CD86: variants seen among roughly 807,000 people sequenced by gnomAD.
CD86 encodes the protein CD86 molecule, also known as T-lymphocyte activation antigen CD86.
A neutral mutation model predicts 32.1 loss-of-function variants in CD86; 11 were observed. The observed-to-expected ratio is 0.34, with a 90% CI of 0.22 to 0.57. The LOEUF is 0.57. CD86 is among the 20% of genes least tolerant of loss of function. The probability of loss-of-function intolerance (pLI) is 0.86; values close to 1 mark genes in which losing one functional copy is unlikely to be tolerated. For synonymous variants in CD86, 137 were observed against 135.3 expected, an observed-to-expected ratio of 1.01 and a Z score of -0.09; for missense variants, 359 against 398.4, an observed-to-expected ratio of 0.90 and a Z score of 0.84.
chr3:122,114,249 G>A (rs142430718), intron 5 of CD86, among the ~76,000 whole-genome samples: 2,805 of 149,014 alleles, frequency 0.019, 39 homozygotes, highest in Non-Finnish European at 0.027. Flanking sequence ...TCAAGATTCC[G>A]TCTTAAAAAA....
intron 3 of CD86, among the ~76,000 whole-genome samples, chr3:122,105,203 G>A (rs1018761864): frequency 6.6e-6 from 1 of 152,178 alleles, no homozygotes; most frequent in African/African-American, 2.4e-5. Context: ...GAAAAGCCAT[G>A]TTGTATTTGT....
chr3:122,107,652 T>C (rs1251443822), intron 4 of CD86, among the ~76,000 whole-genome samples: 1 of 152,210 alleles, frequency 6.6e-6, no homozygotes, highest in African/African-American at 2.4e-5. Context: ...TCTTCTTACC[T>C]TGACCCCTTC....
At chr3:122,092,626 T>C (rs2072842804) in intron 2 of CD86, among the ~76,000 whole-genome samples, 1 of 152,196 alleles carries the variant, frequency 6.6e-6, no homozygotes, top group Non-Finnish European at 1.5e-5. Context: ...CTGCCATGTA[T>C]CCTGTGACTC....
At chr3:122,070,075 T>C (rs547066825) in intron 1 of CD86, among the ~76,000 whole-genome samples, 2 of 152,322 alleles carry the variant, frequency 1.3e-5, no homozygotes, top group Admixed American at 6.5e-5. Context: ...ATAAGTGTAT[T>C]TTGCTGCTGA....
chr3:122,075,624 G>A (rs1017070030), intron 1 of CD86, among the ~76,000 whole-genome samples: 1 of 152,224 alleles, frequency 6.6e-6, no homozygotes, highest in Non-Finnish European at 1.5e-5. Context: ...GCTTGAGTGA[G>A]AGACTGGAAT....
intron 5 of CD86, 103 bp from the exon 6 acceptor site, chr3:122,117,945 C>A: frequency 1.1e-6 from 1 of 916,508 alleles, no homozygotes; most frequent in Non-Finnish European, 1.8e-6. Flanking sequence ...AAAGTCACAA[C>A]AATTTCTCTC....
chr3:122,065,742 T>G (rs896104704), intron 1 of CD86, among the ~76,000 whole-genome samples: 2 of 152,170 alleles, frequency 1.3e-5, no homozygotes, highest in Admixed American at 1.3e-4. Flanking sequence ...ATGAAGGTTA[T>G]TTGTAAGTCT....
chr3:122,091,317 A>C lies in CD86; in HGVS notation c.15-284A>C, dbSNP rs962871884. ...AGGCAGGAGAGGGAGGAAAGAGAAG[A>C]GACTTTAGCAGCCAGATCTGGAAGA... On this transcript the variant is annotated intron_variant, in intron 1 of 6. Coordinates refer to ENST00000330540, the MANE Select transcript of CD86 (RefSeq NM_175862.5). Among the ~76,000 whole-genome samples, 3 of 152,210 alleles carry C rather than the reference A, an allele frequency of 2.0e-5. No homozygotes were observed. The East Asian group carries it at 5.8e-4, about 29-fold the overall frequency.
At chr3:122,057,828 C>G (rs2715258) in intron 1 of CD86, among the ~76,000 whole-genome samples, 150,310 of 152,352 alleles carry the variant, frequency 0.99, 74,177 homozygotes, top group Middle Eastern at 1. Context: ...GAACAGGCTG[C>G]AGCACTCTTC....
chr3:122,087,389 A>G (rs1163994364), intron 1 of CD86, among the ~76,000 whole-genome samples: 1 of 152,076 alleles, frequency 6.6e-6, no homozygotes, highest in African/African-American at 2.4e-5. Flanking sequence ...GGAGAAAGTT[A>G]TGGCTTCTGG....
intron 2 of CD86, among the ~76,000 whole-genome samples, chr3:122,101,424 C>A (rs1473574454): frequency 2.1e-5 from 3 of 145,688 alleles, no homozygotes; most frequent in Non-Finnish European, 4.5e-5. Context: ...GGGCCTGGGT[C>A]AGCGGAGTTA....
chr3:122,074,643 G>A (rs2715260), intron 1 of CD86, among the ~76,000 whole-genome samples: 17,327 of 152,160 alleles, frequency 0.11, 1,048 homozygotes, highest in Non-Finnish European at 0.14. Flanking sequence ...ACTCCCACGG[G>A]TTTCTGGCTC....
intron 5 of CD86, among the ~76,000 whole-genome samples, chr3:122,115,158 T>G (rs1041786282): frequency 6.6e-6 from 1 of 152,094 alleles, no homozygotes; most frequent in Non-Finnish European, 1.5e-5. Context: ...GATAAGTGAG[T>G]GTAGCAAAGA....
chr3:122,110,799 T>C (rs2107545925), intron 5 of CD86, among the ~76,000 whole-genome samples: 1 of 152,350 alleles, frequency 6.6e-6, no homozygotes, highest in East Asian at 1.9e-4. Context: ...TGAGCTTCAC[T>C]TTCTTTCAAC....
intron 5 of CD86, among the ~76,000 whole-genome samples, chr3:122,112,298 A>C (rs2073185747): frequency 6.6e-6 from 1 of 151,900 alleles, no homozygotes; most frequent in Non-Finnish European, 1.5e-5. Flanking sequence ...AAAAGAAATT[A>C]TTATTATTTT....
At chr3:122,078,148 G>A in intron 1 of CD86, 1 of 631,680 alleles carries the variant, frequency 1.6e-6, no homozygotes, top group Non-Finnish European at 2.0e-6. Flanking sequence ...GCCAGAGAAT[G>A]AGTAAAAGGG....
At chr3:122,084,130 G>T (rs955114762) in intron 1 of CD86, among the ~76,000 whole-genome samples, 2 of 152,144 alleles carry the variant, frequency 1.3e-5, no homozygotes, top group Non-Finnish European at 2.9e-5. Context: ...GAAATTACAG[G>T]TGCCCGCCAC....
chr3:122,113,922 G>A (rs2073212133), intron 5 of CD86, among the ~76,000 whole-genome samples: 1 of 152,144 alleles, frequency 6.6e-6, no homozygotes, highest in African/African-American at 2.4e-5. Flanking sequence ...TTATGAGAGG[G>A]TATAAGGAAT....
intron 1 of CD86, among the ~76,000 whole-genome samples, chr3:122,058,597 T>C (rs1365697601): frequency 6.6e-6 from 1 of 152,062 alleles, no homozygotes. Context: ...ATTTTAAGTA[T>C]AGCTTTGAGA....
Sources: allele counts gnomAD v4.1 joint callset (sites outside exome capture counted in the v4.1 genomes callset), GRCh38; gene constraint gnomAD v4.1.1; transcripts MANE v1.5; gene names NCBI Gene and HGNC (gene_info 2026-07-23, HGNC 2026-07-21).